The following KMT5A variants were observed in gnomAD, a reference collection of about 807,000 sequenced individuals.
KMT5A encodes lysine methyltransferase 5A, also known as N-lysine methyltransferase KMT5A.
KMT5A carries 6 observed loss-of-function variants against 40.6 expected under a neutral mutation model. That is an observed-to-expected ratio of 0.15 (90% CI 0.08 to 0.29). The LOEUF is 0.29. KMT5A is among the 10% of genes least tolerant of loss of function. KMT5A has a pLI of 1.00. For missense variants in KMT5A, 308 were observed against 459.1 expected (o/e 0.67, Z 3.01); for synonymous variants, 153 against 178.8 (o/e 0.86, Z 1.15).
intron 3 of KMT5A, among the ~76,000 whole-genome samples, chr12:123,392,509 A>G (rs1877389306): frequency 6.6e-6 from 1 of 152,104 alleles, no homozygotes; most frequent in Admixed American, 6.6e-5. Context: ...ATGAAAACAA[A>G]AAAAATTAGC....
intron 2 of KMT5A, chr12:123,390,075 A>G (rs1283352779): frequency 2.1e-6 from 1 of 468,872 alleles, no homozygotes; most frequent in African/African-American, 2.0e-5. Flanking sequence ...TGCTCTTCCC[A>G]GATTCCCCAG....
intron 4 of KMT5A, among the ~76,000 whole-genome samples, chr12:123,395,575 T>TC: frequency 6.6e-6 from 1 of 151,656 alleles, no homozygotes; most frequent in East Asian, 1.9e-4. Flanking sequence ...TGTTTTTTTT[T>TC]TTTTTTTTTT....
intron 5 of KMT5A, among the ~76,000 whole-genome samples, chr12:123,401,575 T>G (rs1878181763): frequency 6.6e-6 from 1 of 151,562 alleles, no homozygotes; most frequent in Non-Finnish European, 1.5e-5. Flanking sequence ...ATGGGAAGGT[T>G]TTTTTTTGTT....
At chr12:123,388,405 A>T (rs1194701372) in intron 1 of KMT5A, 1 of 152,296 alleles carries the variant, frequency 6.6e-6, no homozygotes, top group African/African-American at 2.4e-5. Context: ...CTCGCCCAGG[A>T]AACCGATCAT....
intron 3 of KMT5A, among the ~76,000 whole-genome samples, chr12:123,393,793 C>T (rs531311426): frequency 1.1e-4 from 16 of 152,282 alleles, no homozygotes; most frequent in African/African-American, 3.8e-4. Context: ...CCACCCTGCC[C>T]AGCCCTTCAT....
intron 1 of KMT5A, chr12:123,388,329 A>G (rs974918967): frequency 6.6e-6 from 1 of 152,262 alleles, no homozygotes; most frequent in Non-Finnish European, 1.5e-5. Flanking sequence ...TCTGTTGAAA[A>G]GAGATAATAA....
chr12:123,401,891 GTTTTT>G (rs1350351048), intron 5 of KMT5A, among the ~76,000 whole-genome samples: 3 of 151,198 alleles, frequency 2.0e-5, no homozygotes, highest in African/African-American at 2.4e-5. Flanking sequence ...CATGTTTTCT[GTTTTT>G]TTTTAAGACA....
chr12:123,387,398 G>T (rs1047887806), intron 1 of KMT5A, among the ~76,000 whole-genome samples: 1 of 152,190 alleles, frequency 6.6e-6, no homozygotes, highest in African/African-American at 2.4e-5. Context: ...ATCTATGTGG[G>T]TGCTTCCTGC....
rs181520230 is a variant in KMT5A, at chr12:123,391,343, C to T, written c.289+557C>T. On this transcript the variant is annotated intron_variant, in intron 3 of 7. Coordinates refer to ENST00000402868, the MANE Select transcript of KMT5A (RefSeq NM_020382.7). ...CTGAGTAGCTGGGATTACAAGCGGC[C>T]GCCACCACGCCCAGCTAATTTTTGT... is the stretch of plus-strand genomic sequence containing the variant. The T allele has an allele frequency of 1.3e-3, 206 of 153,634 alleles. 1 individual carries two copies. The highest frequency in any genetic ancestry group is 5.0e-3 in the South Asian group (25 of 4,978). The allele number at this position is 153,634 out of a possible 1,614,324, so 9.5% of individuals were successfully genotyped here.
At chr12:123,394,444 G>T (rs1362644126) in intron 3 of KMT5A, among the ~76,000 whole-genome samples, 2 of 152,090 alleles carry the variant, frequency 1.3e-5, no homozygotes, top group African/African-American at 4.8e-5. Flanking sequence ...TTTTAAAAAG[G>T]TAAGCAGTTT....
At position 123,407,842 on chromosome 12, in the gene KMT5A, C is replaced by G. The variant is rs1474062191; in HGVS notation, c.*139C>G. The G allele has an allele frequency of 1.6e-6, 1 of 624,426 alleles. No individual in the cohort carries two copies. The highest frequency in any genetic ancestry group is 2.8e-6 in the Non-Finnish European group (1 of 353,224). The allele number at this position is 624,426 out of a possible 1,614,324, so 38.7% of individuals were successfully genotyped here. On this transcript the variant is annotated 3_prime_UTR_variant, in exon 8 of 8. Coordinates refer to ENST00000402868, the MANE Select transcript of KMT5A (RefSeq NM_020382.7). ...TGTTTTTAAAAAGTATATTAAGATG[C>G]CTTTTCACTGTAGTATTTAAATATC...
rs1221242534 is a variant in KMT5A, at chr12:123,395,099, G to A, written c.342G>A (p.Gln114=). ...AVRSAMKSEE[Q]KIKDARKGPL... is the part of the protein sequence containing the mutation. Reference sequence around the variant, plus strand: ...GGAGCGCCATGAAGTCCGAGGAACAGAAGATCAAAGACGCCAGGAAAGGTC... The same window carrying A: ...GGAGCGCCATGAAGTCCGAGGAACAAAAGATCAAAGACGCCAGGAAAGGTC... Residue 114 remains glutamine, a synonymous_variant, in exon 4 of 8, where the codon CAG becomes CAA. Transcript: ENST00000402868. 1 of 1,598,064 alleles carries A rather than the reference G, an allele frequency of 6.3e-7. No individual in the cohort carries two copies. Among genetic ancestry groups the A allele is most frequent in the Non-Finnish European group, 8.5e-7 (1 of 1,172,126 alleles).
rs780459418 is a variant in KMT5A at position 123,407,705 on chromosome 12, C to T, written c.*2C>T. ...GCCCACCCGTGGCTGAAGCATTAAC[C>T]GGTGGGCCCCGTGCCCTCCCCGCCC... On this transcript the variant is annotated 3_prime_UTR_variant, in exon 8 of 8. Coordinates refer to ENST00000402868, the MANE Select transcript of KMT5A (RefSeq NM_020382.7). 29 of 1,609,638 alleles carry T rather than the reference C, an allele frequency of 1.8e-5. No individual in the cohort carries two copies. The highest frequency in any genetic ancestry group is 8.9e-5 in the East Asian group (4 of 44,734).
chr12:123,384,788 GC>G lies in KMT5A; in HGVS notation c.10+581del, dbSNP rs1876768683. ...GGGTAAAACGGGTTCCTGGCATCTC[GC>G]GGGCGCGGTCGTTCGCCCCGCATCT... On this transcript the variant is annotated intron_variant, in intron 1 of 7. Transcript: ENST00000402868. This position sits in a 1 kb window ranked among gnomAD's most constrained non-coding sequence, Gnocchi z 5.7. 6.6e-6 allele frequency among the ~76,000 whole-genome samples: 1 copy of G among 152,232 alleles called. No homozygotes were observed. The highest frequency in any genetic ancestry group is 1.5e-5 in the Non-Finnish European group (1 of 68,038).
chr12:123,406,176 GA>G (rs767761206), intron 7 of KMT5A, among the ~76,000 whole-genome samples: 2 of 152,168 alleles, frequency 1.3e-5, no homozygotes, highest in African/African-American at 2.4e-5. Flanking sequence ...CATCCAAGGG[GA>G]GAAGTGGGCT....
At position 123,390,639 on chromosome 12, in the gene KMT5A, T is replaced by G; in HGVS notation, c.142T>G (p.Phe48Val). The change falls in exon 3 of 8, where the codon TTT becomes GTT. Residue 48 changes from phenylalanine (F) to valine (V), a missense_variant. Phe to Val is a conservative substitution (Grantham distance 50). Transcript: ENST00000402868. ...GCTTTTGTCTTTTTAGGAGAACGTATTTACCGGGCAGTCAAAGATCTATTC... is the reference window on the plus strand; with the variant it reads ...GCTTTTGTCTTTTTAGGAGAACGTAGTTACCGGGCAGTCAAAGATCTATTC... ...GRPRTDGENV[F>V]TGQSKIYSYM... 6.2e-7 allele frequency: 1 copy of G among 1,613,808 alleles called. No homozygotes were observed. The highest frequency in any genetic ancestry group is 2.2e-5 in the East Asian group (1 of 44,888).
chr12:123,389,159 GCCA>G (rs1264223887), intron 1 of KMT5A: 15 of 22,122 alleles, frequency 6.8e-4, no homozygotes, highest in Non-Finnish European at 1.3e-3. Context: ...GGGGCGCGCC[GCCA>G]TGGGCCTGGC....
chr12:123,402,025 A>C (rs1279587318), intron 5 of KMT5A, among the ~76,000 whole-genome samples: 1 of 152,144 alleles, frequency 6.6e-6, no homozygotes, highest in Non-Finnish European at 1.5e-5. Flanking sequence ...AGCTGGGACC[A>C]AAGGTGTACG....
rs1273710687 is a variant in KMT5A, at chr12:123,388,482, C to G, written c.11-951C>G. On this transcript the variant is annotated intron_variant, in intron 1 of 7. Coordinates refer to ENST00000402868, the MANE Select transcript of KMT5A (RefSeq NM_020382.7). ...AAGTACAGCCCTTCTGGGTTTGACA[C>G]CTGGCCCCATCACTTCCTAGTTCTG... The G allele has an allele frequency of 3.9e-5, 6 of 152,278 alleles. No individual in the cohort carries two copies. In the East Asian group the frequency reaches 1.2e-3, roughly 29 times the overall value. 9.4% of individuals were successfully genotyped at this position (152,278 alleles called of 1,614,324 possible).
Sources: gnomAD v4.1 joint callset for allele counts (sites outside exome capture counted in the v4.1 genomes callset) on GRCh38, gnomAD v4.1.1 for gene constraint, Gnocchi (gnomAD v3.1) non-coding constraint, MANE v1.5 for transcripts, NCBI Gene and HGNC (gene_info 2026-07-23, HGNC 2026-07-21) for gene names.